SDHA: variants seen among roughly 807,000 people sequenced by gnomAD.
The protein encoded by SDHA is succinate dehydrogenase [ubiquinone] flavoprotein subunit, mitochondrial.
SDHA carries 48 observed loss-of-function variants against 78.4 expected under a neutral mutation model. The observed-to-expected ratio is 0.61, with a 90% CI of 0.49 to 0.78. The LOEUF (loss-of-function observed/expected upper bound fraction) is 0.78. Ranked by LOEUF, SDHA falls within the 30% of genes least tolerant of loss-of-function variation. The pLI, the probability that SDHA is intolerant of heterozygous loss-of-function variation, is 0.00. For missense variants in SDHA, 680 were observed against 892.7 expected, an observed-to-expected ratio of 0.76 and a Z score of 3.04; for synonymous variants, 326 against 353.9, an observed-to-expected ratio of 0.92 and a Z score of 0.88.
chr5:249,683 G>C (rs1282086614), intron 11 of SDHA: 1 of 152,296 alleles, frequency 6.6e-6, no homozygotes, highest in African/African-American at 2.4e-5. Context: ...TCTCAGCTCT[G>C]AAGGCTGTAA....
intron 7 of SDHA, among the ~76,000 whole-genome samples, chr5:232,314 G>A (rs757312808): frequency 2.0e-5 from 3 of 152,060 alleles, no homozygotes; most frequent in Non-Finnish European, 2.9e-5. Flanking sequence ...AGGCTCAAAC[G>A]ATCCTTCCAC....
intron 10 of SDHA, among the ~76,000 whole-genome samples, chr5:237,487 T>TA (rs1361811277): frequency 7.5e-6 from 1 of 132,660 alleles, no homozygotes; most frequent in Non-Finnish European, 1.5e-5. Flanking sequence ...GTGTGAGTCT[T>TA]ACGTGCACTA....
Position 231,785 on chromosome 5 carries a change from G to A in SDHA, c.895+785G>A, listed in dbSNP as rs544542842. ...AGACTTCAGCTTTGTAGGAGAACAC[G>A]GAGCTTCTGTGACAATGGGATGTAA... On this transcript the variant is annotated intron_variant, in intron 7 of 14. Coordinates refer to ENST00000264932, the MANE Select transcript of SDHA (RefSeq NM_004168.4). 3.3e-5 allele frequency among the ~76,000 whole-genome samples: 5 copies of A among 151,640 alleles called. No individual in the cohort carries two copies. In the South Asian group the frequency reaches 6.2e-4, roughly 19 times the overall value.
intron 5 of SDHA, among the ~76,000 whole-genome samples, chr5:227,086 C>T (rs1380257098): frequency 6.6e-6 from 1 of 152,154 alleles, no homozygotes. Flanking sequence ...TCTCAGCTCA[C>T]TGCTACTTCC....
chr5:241,829 T>A (rs1199967589), intron 11 of SDHA, among the ~76,000 whole-genome samples: 3 of 152,224 alleles, frequency 2.0e-5, no homozygotes, highest in South Asian at 4.1e-4. Flanking sequence ...CAGGGAGGCT[T>A]TGTGGAATGG....
intron 10 of SDHA, among the ~76,000 whole-genome samples, chr5:236,853 T>A (rs1735820863): frequency 6.6e-6 from 1 of 151,380 alleles, no homozygotes; most frequent in African/African-American, 2.4e-5. Context: ...GGTCTCACAA[T>A]ATTGCCCAGG....
chr5:225,191 G>A (rs191714164), intron 3 of SDHA, among the ~76,000 whole-genome samples: 1,663 of 151,682 alleles, frequency 0.011, 33 homozygotes, highest in African/African-American at 0.038. Flanking sequence ...TCTCCACCAC[G>A]CAGATGAGGA....
the SDHA span, among the ~76,000 whole-genome samples, chr5:264,009 G>A: frequency 2.0e-5 from 3 of 152,314 alleles, no homozygotes; most frequent in South Asian, 6.2e-4. Context: ...ACATTAATTC[G>A]TACAGTGGGG....
At chr5:234,921 C>G in intron 8 of SDHA, 1 of 608,340 alleles carries the variant, frequency 1.6e-6, no homozygotes, top group Non-Finnish European at 3.0e-6. Flanking sequence ...TTAGTGAGGG[C>G]AGAGTTTTTG....
intron 7 of SDHA, among the ~76,000 whole-genome samples, chr5:232,907 T>TG (rs1336363435): frequency 6.6e-6 from 1 of 152,194 alleles, no homozygotes; most frequent in East Asian, 1.9e-4. Flanking sequence ...CTCAGCTGCA[T>TG]GACTGGATGT....
chr5:219,783 A>G (rs893700715), intron 1 of SDHA, among the ~76,000 whole-genome samples: 4 of 152,218 alleles, frequency 2.6e-5, no homozygotes, highest in Non-Finnish European at 5.9e-5. Context: ...TCCTCAACCC[A>G]GATGGTGCCC....
At chr5:251,164 T>G in intron 12 of SDHA, 61 bp downstream of exon 12, 1 of 1,575,512 alleles carries the variant, frequency 6.3e-7, no homozygotes, top group Non-Finnish European at 8.7e-7. Context: ...GGTGGGCTGG[T>G]GTCTGTCCCG....
chr5:223,529 T>C lies in SDHA; in HGVS notation c.111T>C (p.Val37=), dbSNP rs2126539712. ...QTGTRGFHFT[V]DGNKRASAKV... is the part of the protein sequence containing the mutation. Reference sequence around the variant, plus strand: ...GAACCCGAGGTTTTCACTTCACTGTTGATGGGAACAAGAGGGCATCTGCTA... The same window carrying C: ...GAACCCGAGGTTTTCACTTCACTGTCGATGGGAACAAGAGGGCATCTGCTA... The change falls in exon 2 of 15, where the codon GTT becomes GTC. Residue 37 remains valine (V), a synonymous_variant. Transcript: ENST00000264932. 6.2e-7 allele frequency: 1 copy of C among 1,613,932 alleles called. No individual in the cohort carries two copies. Among genetic ancestry groups the C allele is most frequent in the East Asian group, 2.2e-5 (1 of 44,894 alleles).
intron 7 of SDHA, among the ~76,000 whole-genome samples, chr5:232,389 T>C (rs1369260337): frequency 1.3e-5 from 2 of 151,958 alleles, no homozygotes; most frequent in East Asian, 3.9e-4. Context: ...TTTCGAGGGT[T>C]TTTTCGTTTT....
At chr5:234,787 G>A (rs536625887) in intron 8 of SDHA, 10 of 327,462 alleles carry the variant, frequency 3.1e-5, no homozygotes, top group East Asian at 7.1e-5. Context: ...TTTGGTATCC[G>A]TGGGGGTCCT....
chr5:237,957 G>A lies in SDHA; in HGVS notation c.1432+1358G>A, dbSNP rs532831410. On this transcript the variant is annotated intron_variant, in intron 10 of 14. Coordinates refer to ENST00000264932, the MANE Select transcript of SDHA (RefSeq NM_004168.4). ...GTTCCTGACGCCGCAGGTAGTGCTT[G>A]TCTCACTCCATAGCCCTGCACTTTG... Among the ~76,000 whole-genome samples the A allele has an allele frequency of 2.1e-3, 280 of 136,112 alleles. 80 individuals are homozygous for A. The highest frequency in any genetic ancestry group is 9.4e-3 in the African/African-American group (268 of 28,616). 89.3% of individuals were successfully genotyped at this position (136,112 alleles called of 152,430 possible). A position where few individuals can be genotyped will look rare whatever the true frequency, so the allele number is the denominator to read the frequency against.
In SDHA at chr5:223,552, C is replaced by T. The variant is rs1553997190; in HGVS notation, c.134C>T (p.Ala45Val). The T allele has an allele frequency of 6.2e-7, 1 of 1,613,184 alleles. No homozygotes were observed. Residue 45 changes from alanine to valine, a missense_variant, in exon 2 of 15, where the codon GCT (alanine) becomes GTT (valine). Ala to Val is a moderately conservative substitution (Grantham distance 64). Coordinates refer to ENST00000264932, the MANE Select transcript of SDHA (RefSeq NM_004168.4). ...FTVDGNKRAS[A>V]KVSDSISAQY... Reference sequence around the variant, plus strand: ...GTTGATGGGAACAAGAGGGCATCTGCTAAAGTTTCAGATTCCGTAAGTTCA... The same window carrying T: ...GTTGATGGGAACAAGAGGGCATCTGTTAAAGTTTCAGATTCCGTAAGTTCA...
Position 256,517 on chromosome 5 carries a change from A to G in SDHA, c.*97A>G. 1 of 1,107,020 alleles carries G rather than the reference A, an allele frequency of 9.0e-7. No homozygotes were observed. The highest frequency in any genetic ancestry group is 1.4e-6 in the Non-Finnish European group (1 of 726,668). 68.6% of individuals were successfully genotyped at this position (1,107,020 alleles called of 1,614,324 possible). The stretch of plus-strand genomic sequence containing the variant: ...CATAACTGTCTTCATACGCTTCTGC[A>G]CTCTGGGGAAGAAGGAGTACATTGA... On this transcript the variant is annotated 3_prime_UTR_variant, in exon 15 of 15. Coordinates refer to ENST00000264932, the MANE Select transcript of SDHA (RefSeq NM_004168.4).
At chr5:231,103 T>C in intron 7 of SDHA, 103 bp downstream of exon 7, 3 of 1,383,086 alleles carry the variant, frequency 2.2e-6, no homozygotes, top group Non-Finnish European at 3.1e-6. Context: ...AATAACATGG[T>C]TTTGAAGATC....
Sources: gnomAD v4.1 joint callset for allele counts (sites outside exome capture counted in the v4.1 genomes callset) on GRCh38, gnomAD v4.1.1 for gene constraint, MANE v1.5 for transcripts, NCBI Gene and HGNC (gene_info 2026-07-23, HGNC 2026-07-21) for gene names.